Variants in MED16 observed in about 807,000 individuals in gnomAD.
The protein encoded by MED16 is mediator of RNA polymerase II transcription subunit 16.
In MED16, 81 loss-of-function variants were observed where a neutral mutation model predicts 84.4. The ratio of observed to expected loss-of-function variants is 0.96; its 90% CI spans 0.80 to 1.15. The LOEUF (loss-of-function observed/expected upper bound fraction) is 1.15, where lower values mean the gene tolerates loss of function less well. Ranked by LOEUF, MED16 falls within the 50% of genes most tolerant of loss-of-function variation. The pLI is 0.00. For synonymous variants in MED16, 897 were observed against 552.2 expected (o/e 1.62, Z -8.76); for missense variants, 1,585 against 1,245.9 (o/e 1.27, Z -4.10).
intron 6 of MED16, among the ~76,000 whole-genome samples, chr19:883,875 C>A (rs559660453): frequency 6.6e-6 from 1 of 152,060 alleles, no homozygotes; most frequent in African/African-American, 2.4e-5. Flanking sequence ...CCCTGGGGAC[C>A]GGGCGAAGGA....
At position 868,493 on chromosome 19, in the gene MED16, G is replaced by GC; in HGVS notation, c.2405dup (p.Cys803LeufsTer29). On this transcript the variant is annotated frameshift_variant, in exon 15 of 16. Transcript: ENST00000325464. LOFTEE classifies it high-confidence loss of function. ...TGGGCGACTTGAGCATGGTGACACA[G>GC]CCGCACCTGCGGGGAGGCAGGCACT... 1 of 1,610,226 alleles carries GC rather than the reference G, an allele frequency of 6.2e-7. No individual in the cohort carries two copies. Among genetic ancestry groups the GC allele is most frequent in the Non-Finnish European group, 8.5e-7 (1 of 1,179,844 alleles).
At chr19:873,881 G>T (rs1042023856) in intron 10 of MED16, among the ~76,000 whole-genome samples, 1 of 152,124 alleles carries the variant, frequency 6.6e-6, no homozygotes, top group African/African-American at 2.4e-5. Context: ...CCGGCCTGCT[G>T]GTGCACATCT....
chr19:886,637 T>C (rs73492585), intron 4 of MED16, among the ~76,000 whole-genome samples: 2 of 152,246 alleles, frequency 1.3e-5, no homozygotes, highest in East Asian at 3.8e-4. Flanking sequence ...TGGGCCGCAC[T>C]GTGCAGACCT....
intron 6 of MED16, among the ~76,000 whole-genome samples, chr19:884,679 G>A (rs545296864): frequency 3.9e-5 from 6 of 152,300 alleles, no homozygotes; most frequent in Admixed American, 1.3e-4. Context: ...CCGCCGCAGC[G>A]GGCGTGGAAG....
intron 11 of MED16, chr19:872,828 G>C: frequency 5.0e-6 from 2 of 398,926 alleles, no homozygotes; most frequent in Non-Finnish European, 3.5e-6. Flanking sequence ...CCTTCGTGTA[G>C]GGGTGGGGCT....
chr19:874,807 C>A (rs1048283901), intron 10 of MED16, among the ~76,000 whole-genome samples: 2 of 150,946 alleles, frequency 1.3e-5, no homozygotes, highest in Non-Finnish European at 3.0e-5. Context: ...AAGGCAGAGG[C>A]TGCGCTGAGC....
Position 884,947 on chromosome 19 carries a change from T to TC in MED16, c.940dup (p.Glu314GlyfsTer103). 2 of 1,609,714 alleles carry TC rather than the reference T, an allele frequency of 1.2e-6. No homozygotes were observed. Among genetic ancestry groups the TC allele is most frequent in the Non-Finnish European group, 1.7e-6 (2 of 1,179,328 alleles). ...GAAGATGTTGTTCACGGGGAGTCCC[T>TC]CCTTGCGCAGGGACCAGCACTCCAC... On this transcript the variant is annotated frameshift_variant, in exon 6 of 16. Coordinates refer to ENST00000325464, the MANE Select transcript of MED16 (RefSeq NM_005481.3). LOFTEE classifies it high-confidence loss of function.
intron 11 of MED16, among the ~76,000 whole-genome samples, chr19:872,399 T>C (rs1451450583): frequency 6.6e-6 from 1 of 152,024 alleles, no homozygotes; most frequent in African/African-American, 2.4e-5. Flanking sequence ...TATCCCCACC[T>C]GCACGTGGAG....
chr19:869,914 G>C (rs919306226), intron 13 of MED16, among the ~76,000 whole-genome samples: 1 of 152,162 alleles, frequency 6.6e-6, no homozygotes, highest in Non-Finnish European at 1.5e-5. Flanking sequence ...CAGATGAGTG[G>C]GGTGACAAGG....
intron 10 of MED16, among the ~76,000 whole-genome samples, chr19:874,518 G>A (rs1268773901): frequency 1.3e-5 from 2 of 152,158 alleles, no homozygotes; most frequent in Non-Finnish European, 1.5e-5. Flanking sequence ...GGTGAGCCTG[G>A]GCAAGCTGCT....
At chr19:877,308 G>C (rs533181722) in intron 8 of MED16, 128 bp from the exon 9 acceptor site, 10 of 805,388 alleles carry the variant, frequency 1.2e-5, no homozygotes, top group African/African-American at 8.6e-5. Flanking sequence ...GTGTGGGCCT[G>C]TGTGCGCGCA....
At chr19:869,705 TC>T (rs1384361743) in intron 13 of MED16, among the ~76,000 whole-genome samples, 1 of 152,122 alleles carries the variant, frequency 6.6e-6, no homozygotes, top group African/African-American at 2.4e-5. Flanking sequence ...GCCGGGGCCT[TC>T]CCCGGAGCAG....
intron 8 of MED16, 112 bp from the exon 9 acceptor site, chr19:877,292 G>GA: frequency 1.0e-6 from 1 of 976,052 alleles, no homozygotes; most frequent in African/African-American, 1.9e-5. Context: ...GTGCGCGCAC[G>GA]CCCGTGTGTG....
intron 4 of MED16, among the ~76,000 whole-genome samples, chr19:888,577 G>A (rs2036569916): frequency 6.6e-6 from 1 of 151,258 alleles, no homozygotes; most frequent in East Asian, 1.9e-4. Context: ...GGTGGTGGCC[G>A]CACAACATGG....
At chr19:869,295 T>G (rs2035991599) in intron 13 of MED16, among the ~76,000 whole-genome samples, 1 of 152,042 alleles carries the variant, frequency 6.6e-6, no homozygotes, top group Non-Finnish European at 1.5e-5. Flanking sequence ...ACGCTCCCAT[T>G]TGAGGCTGGA....
chr19:868,036 G>A lies in MED16; in HGVS notation c.*65C>T. On this transcript the variant is annotated 3_prime_UTR_variant, in exon 16 of 16. Coordinates refer to ENST00000325464, the MANE Select transcript of MED16 (RefSeq NM_005481.3). ...TCCAGGTTCAGCGCTCTCCGCGGGT[G>A]AGGCAAGGAAACCGAGGAGACGCCC... 6.5e-7 allele frequency: 1 copy of A among 1,533,066 alleles called. No individual in the cohort carries two copies. The highest frequency in any genetic ancestry group is 8.7e-7 in the Non-Finnish European group (1 of 1,145,032). The allele number at this position is 1,533,066 out of a possible 1,614,324, so 95.0% of individuals were successfully genotyped here. A position where few individuals can be genotyped will look rare whatever the true frequency, so the allele number is the denominator to read the frequency against.
intron 7 of MED16, among the ~76,000 whole-genome samples, chr19:880,375 GCCCCTCCCCGCCCCTCCCAGC>G (rs1456670782): frequency 1.3e-5 from 2 of 152,216 alleles, no homozygotes; most frequent in Non-Finnish European, 2.9e-5. Context: ...ACTGCTCCCA[GCCCCTCCCCGCCCCTCCCAGC>G]TGGGCCCATG....
intron 7 of MED16, among the ~76,000 whole-genome samples, chr19:880,365 A>C (rs977719116): frequency 2.6e-5 from 4 of 152,150 alleles, no homozygotes; most frequent in African/African-American, 9.7e-5. Context: ...CCTTGGCCAC[A>C]CTGCTCCCAG....
intron 6 of MED16, 67 bp from the exon 7 acceptor site, chr19:881,781 G>A (rs1044221403): frequency 1.3e-6 from 2 of 1,552,686 alleles, no homozygotes; most frequent in South Asian, 1.2e-5. Context: ...AGCCGCAGGA[G>A]TCCAGCATGG....
Sources: gnomAD v4.1 joint callset for allele counts (sites outside exome capture counted in the v4.1 genomes callset) on GRCh38, gnomAD v4.1.1 for gene constraint, MANE v1.5 for transcripts, NCBI Gene and HGNC (gene_info 2026-07-23, HGNC 2026-07-21) for gene names.